PCDH18: variants seen among roughly 807,000 people sequenced by gnomAD.
PCDH18 encodes the protein protocadherin 18, also known as protocadherin-18.
A neutral mutation model predicts 71.5 loss-of-function variants in PCDH18; 38 were observed. The observed-to-expected ratio is 0.53, with a 90% CI of 0.41 to 0.70. The LOEUF is 0.70. Ranked by LOEUF, PCDH18 falls within the 30% of genes least tolerant of loss-of-function variation. PCDH18 has a pLI of 0.00. For synonymous variants in PCDH18, 565 were observed against 505.4 expected (o/e 1.12, Z -1.58); for missense variants, 1,334 against 1,384.6 (o/e 0.96, Z 0.58).
chr4:137,528,996 A>C (rs764023917), intron 1 of PCDH18, 176 bp from the exon 2 acceptor site: 1 of 597,198 alleles, frequency 1.7e-6, no homozygotes, highest in Non-Finnish European at 3.0e-6. Flanking sequence ...TACCAACTAT[A>C]ACTAAAATAT....
chr4:137,520,283 G>A lies in PCDH18; in HGVS notation c.*746C>T, dbSNP rs980722669. 2.0e-5 allele frequency: 3 copies of A among 152,284 alleles called. No individual in the cohort carries two copies. Among genetic ancestry groups the A allele is most frequent in the Non-Finnish European group, 4.4e-5 (3 of 68,026 alleles). The allele number at this position is 152,284 out of a possible 1,614,324, so 9.4% of individuals were successfully genotyped here. On this transcript the variant is annotated 3_prime_UTR_variant, in exon 4 of 4. Transcript: ENST00000344876. Reference sequence around the variant, plus strand: ...TTATTGTTTACCATAATTATAAGTAGATAATAATATTGTGAGAGAAATATT... The same window carrying A: ...TTATTGTTTACCATAATTATAAGTAAATAATAATATTGTGAGAGAAATATT...
In PCDH18 at chr4:137,532,464, AC is replaced by A; in HGVS notation, c.-377del. 1.6e-6 allele frequency: 1 copy of A among 637,078 alleles called. No individual in the cohort carries two copies. Among genetic ancestry groups the A allele is most frequent in the South Asian group, 1.8e-5 (1 of 56,838 alleles). The allele number at this position is 637,078 out of a possible 1,614,324, so 39.5% of individuals were successfully genotyped here. On this transcript the variant is annotated 5_prime_UTR_variant, in exon 1 of 4. Coordinates refer to ENST00000344876, the MANE Select transcript of PCDH18 (RefSeq NM_019035.5). ...TTAGCTGCTCGGCTGCAGACTAAAC[AC>A]CCGTGATTGCTGACTCCAGTCTAAA...
At chr4:137,527,179 T>G (rs892405405) in intron 3 of PCDH18, among the ~76,000 whole-genome samples, 6 of 152,076 alleles carry the variant, frequency 3.9e-5, no homozygotes, top group Non-Finnish European at 8.8e-5. Context: ...CGAGTTTCTA[T>G]TCACAGTGGT....
chr4:137,527,063 G>A (rs1463800758), intron 3 of PCDH18, among the ~76,000 whole-genome samples: 1 of 151,604 alleles, frequency 6.6e-6, no homozygotes, highest in Non-Finnish European at 1.5e-5. Flanking sequence ...CTCTGCATGA[G>A]CCTGGAGTAA....
chr4:137,520,846 G>T lies in PCDH18; in HGVS notation c.*183C>A, dbSNP rs1731266473. Reference sequence around the variant, plus strand: ...GGTACAAATGTATTTTTAAAATACAGATTAAAATAATCACACTTGCATTGT... The same window carrying T: ...GGTACAAATGTATTTTTAAAATACATATTAAAATAATCACACTTGCATTGT... On this transcript the variant is annotated 3_prime_UTR_variant, in exon 4 of 4. Transcript: ENST00000344876. The T allele has an allele frequency of 2.1e-6, 1 of 487,756 alleles. No individual in the cohort carries two copies. The highest frequency in any genetic ancestry group is 3.6e-6 in the Non-Finnish European group (1 of 277,992). 30.2% of individuals were successfully genotyped at this position (487,756 alleles called of 1,614,324 possible). A position where few individuals can be genotyped will look rare whatever the true frequency, so the allele number is the denominator to read the frequency against.
intron 3 of PCDH18, among the ~76,000 whole-genome samples, chr4:137,526,958 T>TAAAAAAAAAAAAAAA (rs750084137): frequency 7.8e-6 from 1 of 127,732 alleles, no homozygotes; most frequent in Non-Finnish European, 1.7e-5. Flanking sequence ...TTCCAAATCT[T>TAAAAAAAAAAAAAAA]AAAAAAAAAA....
chr4:137,530,300 C>T lies in PCDH18; in HGVS notation c.1789G>A (p.Gly597Ser), dbSNP rs1272109968. Residue 597 changes from glycine to serine, a missense_variant, in exon 1 of 4, where the codon GGC becomes AGC. Physicochemically the swap from Gly to Ser is moderately conservative, Grantham distance 56. Transcript: ENST00000344876. ...EITIPKGAES[G>S]FHVTRIRAID... ...GCCCTTATTCTTGTGACATGAAAGC[C>T]ACTTTCAGCCCCTTTGGGAATGGTG... is the stretch of plus-strand genomic sequence containing the variant. 6.2e-7 allele frequency: 1 copy of T among 1,613,612 alleles called. No homozygotes were observed. The highest frequency in any genetic ancestry group is 1.1e-5 in the South Asian group (1 of 91,006).
At chr4:137,528,842 C>T in intron 1 of PCDH18, 22 bp from the exon 2 acceptor site, 1 of 1,544,180 alleles carries the variant, frequency 6.5e-7, no homozygotes, top group Non-Finnish European at 9.0e-7. Context: ...ATAGACAGAA[C>T]TGATTCCCGG....
chr4:137,530,764 G>A lies in PCDH18; in HGVS notation c.1325C>T (p.Thr442Ile). Reference protein sequence around the residue: ...SLTVIAEDRGTPSLSTVKHFT... With the variant: ...SLTVIAEDRGIPSLSTVKHFT... ...ATGTTTCACTGTAGAGAGACTGGGTGTCCCCCTGTCCTCAGCGATTACAGT... is the reference window on the plus strand; with the variant it reads ...ATGTTTCACTGTAGAGAGACTGGGTATCCCCCTGTCCTCAGCGATTACAGT... The change falls in exon 1 of 4, where the codon ACA (threonine) becomes ATA (isoleucine). Residue 442 changes from threonine to isoleucine, a missense_variant. Around this residue, in one of 3 missense-constraint regions of PCDH18, gnomAD observed 1,011 missense variants for 1,048.0 expected, o/e 0.96. Transcript: ENST00000344876. 1.2e-6 allele frequency: 2 copies of A among 1,612,380 alleles called. No individual in the cohort carries two copies. The highest frequency in any genetic ancestry group is 1.7e-6 in the Non-Finnish European group (2 of 1,178,568).
chr4:137,524,778 G>A (rs1030302130), intron 3 of PCDH18, among the ~76,000 whole-genome samples: 1 of 152,164 alleles, frequency 6.6e-6, no homozygotes, highest in African/African-American at 2.4e-5. Context: ...GGCAACAAGA[G>A]TTAAGTATTG....
Position 137,520,870 on chromosome 4 carries a change from G to GAATGTACATACGAA in PCDH18, c.*158_*159insTTCGTATGTACATT. 1 of 554,290 alleles carries GAATGTACATACGAA rather than the reference G, an allele frequency of 1.8e-6. No homozygotes were observed. Among genetic ancestry groups the GAATGTACATACGAA allele is most frequent in the East Asian group, 2.9e-5 (1 of 34,904 alleles). The allele number at this position is 554,290 out of a possible 1,614,324, so 34.3% of individuals were successfully genotyped here. ...AGATTAAAATAATCACACTTGCATT[G>GAATGTACATACGAA]TGTACATACGAAAATACAGTATTTA... On this transcript the variant is annotated 3_prime_UTR_variant, in exon 4 of 4. Coordinates refer to ENST00000344876, the MANE Select transcript of PCDH18 (RefSeq NM_019035.5).
chr4:137,530,823 T>C lies in PCDH18; in HGVS notation c.1266A>G (p.Thr422=), dbSNP rs1253824322. 6.2e-7 allele frequency: 1 copy of C among 1,611,114 alleles called. No homozygotes were observed. Among genetic ancestry groups the C allele is most frequent in the East Asian group, 2.2e-5 (1 of 44,840 alleles). The stretch of plus-strand genomic sequence containing the variant: ...ACTCAGATCTCTTTTCTCTATCCAG[T>C]GTGGCATTAGTTAAGATTAAATAAT... The part of the protein sequence containing the change: ...ENNYLILTNA[T]LDREKRSEYS... The change falls in exon 1 of 4, where the codon ACA becomes ACG. Residue 422 remains threonine (T), a synonymous_variant. Coordinates refer to ENST00000344876, the MANE Select transcript of PCDH18 (RefSeq NM_019035.5).
At chr4:137,524,802 A>T (rs1192037017) in intron 3 of PCDH18, among the ~76,000 whole-genome samples, 1 of 152,172 alleles carries the variant, frequency 6.6e-6, no homozygotes, top group Non-Finnish European at 1.5e-5. Context: ...TTGAGCCAAA[A>T]AATGTGGATT....
At chr4:137,528,899 G>A (rs1279485013) in intron 1 of PCDH18, 79 bp from the exon 2 acceptor site, 2 of 985,850 alleles carry the variant, frequency 2.0e-6, no homozygotes, top group Non-Finnish European at 3.3e-6. Context: ...AAAAACAGTT[G>A]CTTGCTATTT....
At chr4:137,529,078 C>G in intron 1 of PCDH18, 1 of 453,460 alleles carries the variant, frequency 2.2e-6, no homozygotes, top group East Asian at 3.5e-5. Context: ...TTTCAAATAA[C>G]TGATTTATTT....
chr4:137,529,824 G>A lies in PCDH18; in HGVS notation c.2265C>T (p.His755=), dbSNP rs1731600330. The A allele has an allele frequency of 6.2e-7, 1 of 1,611,380 alleles. No homozygotes were observed. Among genetic ancestry groups the A allele is most frequent in the Non-Finnish European group, 8.5e-7 (1 of 1,178,074 alleles). ...TAGGCACCAATGTGATGTCCCCTTTGTGAATCTGCCGGGATGGCCTTTTTG... is the reference window on the plus strand; with the variant it reads ...TAGGCACCAATGTGATGTCCCCTTTATGAATCTGCCGGGATGGCCTTTTTG... The part of the protein sequence containing the change: ...HHPKRPSRQI[H]KGDITLVPTI... Residue 755 remains histidine, a synonymous_variant, in exon 1 of 4, where the codon CAC becomes CAT. Coordinates refer to ENST00000344876, the MANE Select transcript of PCDH18 (RefSeq NM_019035.5).
chr4:137,524,107 T>C (rs1426572972), intron 3 of PCDH18, among the ~76,000 whole-genome samples: 2 of 152,106 alleles, frequency 1.3e-5, no homozygotes, highest in African/African-American at 4.8e-5. Context: ...TAGCAGGGCT[T>C]GTTGACAAGT....
At position 137,531,789 on chromosome 4, in the gene PCDH18, T is replaced by C; in HGVS notation, c.300A>G (p.Lys100=). 1.9e-6 allele frequency: 3 copies of C among 1,614,184 alleles called. No homozygotes were observed. Among genetic ancestry groups the C allele is most frequent in the Non-Finnish European group, 2.5e-6 (3 of 1,180,028 alleles). ...ATIDREQLCQ[K]NLNCSIEFDV... ...CAAACTCTATGGAACAGTTCAAGTT[T>C]TTCTGGCACAGTTGTTCACGGTCAA... Residue 100 remains lysine (K), a synonymous_variant, in exon 1 of 4, where the codon AAA becomes AAG. Coordinates refer to ENST00000344876, the MANE Select transcript of PCDH18 (RefSeq NM_019035.5).
At position 137,528,658 on chromosome 4, in the gene PCDH18, CA is replaced by C. The variant is rs763208314; in HGVS notation, c.2577-18del. ...AGGGCATATCTGGAAAGATAAATCA[CA>C]AAAAAAAATTACAGTTTTTACTCTT... On this transcript the variant is annotated intron_variant, in intron 2 of 3. Transcript: ENST00000344876. 6.4e-5 allele frequency: 103 copies of C among 1,606,434 alleles called. 1 individual carries two copies. The East Asian group carries it at 1.6e-3, about 24-fold the overall frequency.
Sources: gnomAD v4.1 joint callset for allele counts (sites outside exome capture counted in the v4.1 genomes callset) on GRCh38, gnomAD v4.1.1 for gene constraint, gnomAD v4.1.1 regional missense constraint, MANE v1.5 for transcripts, NCBI Gene and HGNC (gene_info 2026-07-23, HGNC 2026-07-21) for gene names.